The following HIP1 variants were observed in gnomAD, a reference collection of about 807,000 sequenced individuals.
HIP1 encodes the protein huntingtin interacting protein 1.
Under a neutral mutation model 147.6 loss-of-function variants are expected in HIP1, and 65 were observed. The ratio of observed to expected loss-of-function variants is 0.44; its 90% CI spans 0.36 to 0.54. The LOEUF (loss-of-function observed/expected upper bound fraction) is 0.54. Among genes scored for constraint, HIP1 ranks in the 20% least tolerant of loss-of-function variants. The pLI is 0.00. For synonymous variants in HIP1, 479 were observed against 504.0 expected (o/e 0.95, Z 0.67); for missense variants, 1,061 against 1,299.6 (o/e 0.82, Z 2.82).
chr7:75,592,350 C>T, intron 3 of HIP1, 22 bp downstream of exon 3: 2 of 1,592,490 alleles, frequency 1.3e-6, no homozygotes, highest in Non-Finnish European at 1.7e-6. Flanking sequence ...CTCCCTGCCA[C>T]CCCATAGCCC....
intron 4 of HIP1, among the ~76,000 whole-genome samples, chr7:75,588,273 A>G (rs2086620037): frequency 6.6e-6 from 1 of 152,224 alleles, no homozygotes; most frequent in Non-Finnish European, 1.5e-5. Flanking sequence ...TAAAATTCCA[A>G]GGAAGATGAG....
At position 75,611,892 on chromosome 7, in the gene HIP1, C is replaced by T. The variant is rs1785093402; in HGVS notation, c.121-12645G>A. On this transcript the variant is annotated intron_variant, in intron 1 of 30. Transcript: ENST00000336926. ...CCTTTCTCCCAGCCTCTCTTCCTCC[C>T]TCCCCAGCACTCCCCATCCTCCGCT... 5 of 1,009,594 alleles carry T rather than the reference C, an allele frequency of 5.0e-6. No homozygotes were observed. The East Asian group carries it at 2.1e-4, about 42-fold the overall frequency. 62.5% of individuals were successfully genotyped at this position (1,009,594 alleles called of 1,614,324 possible).
chr7:75,557,107 C>T (rs587669763), intron 16 of HIP1, among the ~76,000 whole-genome samples: 53 of 151,914 alleles, frequency 3.5e-4, no homozygotes, highest in African/African-American at 1.2e-3. Context: ...GGTGCAGTCT[C>T]AGCTCACTGC....
intron 1 of HIP1, among the ~76,000 whole-genome samples, chr7:75,732,339 T>C (rs565998335): frequency 1.3e-5 from 2 of 152,214 alleles, no homozygotes; most frequent in South Asian, 4.2e-4. Flanking sequence ...GTATGCGCTA[T>C]CCACCGACTT....
At chr7:75,685,026 G>C (rs1381977161) in intron 1 of HIP1, among the ~76,000 whole-genome samples, 1 of 152,160 alleles carries the variant, frequency 6.6e-6, no homozygotes, top group Non-Finnish European at 1.5e-5. Context: ...AGGAGGTGGA[G>C]CTTGCAGTGA....
chr7:75,545,609 T>C (rs1488043099), intron 25 of HIP1, among the ~76,000 whole-genome samples: 1 of 151,510 alleles, frequency 6.6e-6, no homozygotes, highest in Non-Finnish European at 1.5e-5. Context: ...GTCACTGCAC[T>C]CTAGCCTGAG....
intron 1 of HIP1, among the ~76,000 whole-genome samples, chr7:75,713,793 C>T (rs1347357750): frequency 1.3e-5 from 2 of 151,430 alleles, no homozygotes; most frequent in Non-Finnish European, 2.9e-5. Context: ...GCCTGCCTCC[C>T]GGGTTCAAGC....
At chr7:75,555,945 G>A in intron 18 of HIP1, 81 bp downstream of exon 18, 2 of 1,546,312 alleles carry the variant, frequency 1.3e-6, no homozygotes, top group Non-Finnish European at 1.8e-6. Flanking sequence ...CAGCCCCGGG[G>A]TCCTCCCAGC....
At chr7:75,696,216 G>A (rs1479575969) in intron 1 of HIP1, among the ~76,000 whole-genome samples, 1 of 151,600 alleles carries the variant, frequency 6.6e-6, no homozygotes, top group Admixed American at 6.6e-5. Context: ...TCGAACTCCT[G>A]GGCTAAAGCT....
chr7:75,602,427 A>C (rs2117019738), intron 1 of HIP1, among the ~76,000 whole-genome samples: 1 of 148,252 alleles, frequency 6.7e-6, no homozygotes, highest in East Asian at 2.0e-4. Flanking sequence ...CAGCCTCTCA[A>C]GTAGCTGGGA....
At chr7:75,692,877 C>T (rs1256592620) in intron 1 of HIP1, among the ~76,000 whole-genome samples, 1 of 151,824 alleles carries the variant, frequency 6.6e-6, no homozygotes, top group African/African-American at 2.4e-5. Flanking sequence ...TAAATTATGA[C>T]GATGCAGCCG....
intron 1 of HIP1, chr7:75,626,261 C>T (rs587737440): frequency 6.6e-6 from 1 of 152,204 alleles, no homozygotes; most frequent in Non-Finnish European, 1.5e-5. Context: ...GCTTGAAACA[C>T]ATTAGCAAAA....
At chr7:75,592,256 C>A in intron 3 of HIP1, 116 bp downstream of exon 3, 1 of 1,445,862 alleles carries the variant, frequency 6.9e-7, no homozygotes, top group East Asian at 2.3e-5. Context: ...ATGGGGAACC[C>A]AAAGGCCAGG....
chr7:75,631,137 T>C (rs1179626), intron 1 of HIP1, among the ~76,000 whole-genome samples: 6 of 151,394 alleles, frequency 4.0e-5, no homozygotes, highest in Non-Finnish European at 8.8e-5. Context: ...ATTTGTTTTT[T>C]AAATTTTTTT....
chr7:75,557,019 A>AT (rs138122394), intron 16 of HIP1, among the ~76,000 whole-genome samples: 3 of 145,352 alleles, frequency 2.1e-5, no homozygotes, highest in Non-Finnish European at 3.0e-5. Flanking sequence ...AGGATTTTTT[A>AT]TTATTTATTT....
chr7:75,696,731 C>T (rs555965514), intron 1 of HIP1, among the ~76,000 whole-genome samples: 1 of 151,084 alleles, frequency 6.6e-6, no homozygotes, highest in East Asian at 2.0e-4. Context: ...CTCCGAGTGG[C>T]TGGAATTACA....
chr7:75,704,581 G>A (rs1475297907), intron 1 of HIP1, among the ~76,000 whole-genome samples: 1 of 150,120 alleles, frequency 6.7e-6, no homozygotes, highest in East Asian at 2.0e-4. Context: ...TGTTGTTGTT[G>A]TTGTTTGTTT....
At chr7:75,712,184 A>C (rs560009957) in intron 1 of HIP1, among the ~76,000 whole-genome samples, 1 of 151,544 alleles carries the variant, frequency 6.6e-6, no homozygotes, top group South Asian at 2.1e-4. Context: ...TTACGGGGGG[A>C]AAAAAAGTTA....
chr7:75,594,996 A>C (rs1796634856), intron 2 of HIP1, among the ~76,000 whole-genome samples: 1 of 152,182 alleles, frequency 6.6e-6, no homozygotes. Context: ...TCGCAAGTGC[A>C]CTGTCATTTA....
Sources: allele counts gnomAD v4.1 joint callset (sites outside exome capture counted in the v4.1 genomes callset), GRCh38; gene constraint gnomAD v4.1.1; transcripts MANE v1.5; gene names NCBI Gene and HGNC (gene_info 2026-07-23, HGNC 2026-07-21).